The following SYT7 variants were observed in gnomAD, a reference collection of about 807,000 sequenced individuals.
The protein encoded by SYT7 is synaptotagmin-7.
A neutral mutation model predicts 75.1 loss-of-function variants in SYT7; 29 were observed. That is an observed-to-expected ratio of 0.39 (90% CI 0.29 to 0.53). The LOEUF (loss-of-function observed/expected upper bound fraction) is 0.53. Ranked by LOEUF, SYT7 falls within the 20% of genes least tolerant of loss-of-function variation. SYT7 has a pLI of 0.77. For synonymous variants in SYT7, 376 were observed against 401.7 expected (o/e 0.94, Z 0.76); for missense variants, 693 against 953.2 (o/e 0.73, Z 3.59).
chr11:61,523,010 T>C lies in SYT7; in HGVS notation c.1956+65A>G. The C allele has an allele frequency of 6.4e-7, 1 of 1,566,794 alleles. No homozygotes were observed. The highest frequency in any genetic ancestry group is 8.8e-7 in the Non-Finnish European group (1 of 1,138,898). The stretch of plus-strand genomic sequence containing the variant: ...TGTGCCCGTCCACTACCCCCGCTGC[T>C]TCTTTTAAGGAACGGAGCCTCACTG... On this transcript the variant is annotated intron_variant, in intron 12 of 12. Coordinates refer to ENST00000539008, the MANE Select transcript of SYT7 (RefSeq NM_001365809.2). The surrounding 1 kb of genome is among the most constrained non-coding windows in gnomAD (Gnocchi z 5.0).
chr11:61,558,476 AT>A (rs1371698541), intron 1 of SYT7, among the ~76,000 whole-genome samples: 5 of 142,080 alleles, frequency 3.5e-5, no homozygotes, highest in African/African-American at 1.4e-4. Context: ...TTTCAAAAAA[AT>A]ATATATATAC....
In SYT7 at chr11:61,542,676, T is replaced by G; in HGVS notation, c.573-97A>C. On this transcript the variant is annotated intron_variant, in intron 5 of 12. Transcript: ENST00000539008. The surrounding 1 kb of genome is among the most constrained non-coding windows in gnomAD (Gnocchi z 7.8). ...GAGGGCCAGGACTAGGAGGCCCCAG[T>G]GCAGGGTGCGCGCTGCCGGACCTCG... is the stretch of plus-strand genomic sequence containing the variant. The G allele has an allele frequency of 7.1e-7, 1 of 1,412,338 alleles. No individual in the cohort carries two copies. Among genetic ancestry groups the G allele is most frequent in the South Asian group, 1.5e-5 (1 of 65,148 alleles). 87.5% of individuals were successfully genotyped at this position (1,412,338 alleles called of 1,614,324 possible).
At chr11:61,530,214 C>G (rs2062662446) in intron 8 of SYT7, among the ~76,000 whole-genome samples, 1 of 152,230 alleles carries the variant, frequency 6.6e-6, no homozygotes, top group Admixed American at 6.5e-5. Context: ...GCCCTTCCAC[C>G]TGCGCCTTGC....
rs981479310 is a variant in SYT7 at position 61,547,328 on chromosome 11, G to A, written c.216-20C>T. The A allele has an allele frequency of 6.5e-7, 1 of 1,534,988 alleles. No homozygotes were observed. Among genetic ancestry groups the A allele is most frequent in the African/African-American group, 1.4e-5 (1 of 72,994 alleles). On this transcript the variant is annotated intron_variant, in intron 3 of 12. Transcript: ENST00000539008. ...AGATCACTGGAGGGGCAGAGAGAGA[G>A]GGGAGAAAACAGGGAGATACAAGAA...
chr11:61,536,346 T>A (rs1272833316), intron 7 of SYT7, among the ~76,000 whole-genome samples: 2 of 152,172 alleles, frequency 1.3e-5, no homozygotes, highest in Non-Finnish European at 1.5e-5. Context: ...CATTAACACA[T>A]GGGTGATGTG....
rs1350568951 is a variant in SYT7, at chr11:61,520,822, C to CA, written c.1957-2092dup. The stretch of plus-strand genomic sequence containing the variant: ...CGGGTGACAGAGTGAGACTCTATCT[C>CA]AAAAAACAAAACAAAACGAAACAAA... On this transcript the variant is annotated intron_variant, in intron 12 of 12. Transcript: ENST00000539008. 2.6e-5 allele frequency among the ~76,000 whole-genome samples: 4 copies of CA among 152,202 alleles called. No individual in the cohort carries two copies. The South Asian group carries it at 6.2e-4, about 24-fold the overall frequency.
chr11:61,544,433 G>A (rs772693781), intron 5 of SYT7, among the ~76,000 whole-genome samples: 6 of 152,198 alleles, frequency 3.9e-5, no homozygotes, highest in Non-Finnish European at 7.3e-5. Context: ...AAAGCAAAAC[G>A]TAGCTTTAGC....
At chr11:61,559,239 T>A in intron 1 of SYT7, among the ~76,000 whole-genome samples, 1 of 152,190 alleles carries the variant, frequency 6.6e-6, no homozygotes, top group East Asian at 1.9e-4. Flanking sequence ...ACTAGGGAGC[T>A]ATCTGGGAAG....
At position 61,517,355 on chromosome 11, in the gene SYT7, T is replaced by A. The variant is rs1055498587; in HGVS notation, c.*1272A>T. 4 of 398,594 alleles carry A rather than the reference T, an allele frequency of 1.0e-5. No individual in the cohort carries two copies. Among genetic ancestry groups the A allele is most frequent in the Non-Finnish European group, 1.8e-5 (4 of 226,120 alleles). The allele number at this position is 398,594 out of a possible 1,614,324, so 24.7% of individuals were successfully genotyped here. ...ACTCACAGAATCCTGGTCTTTTCCCTGCCTCCTTTCCCTGCACTGTGAGTG... is the reference window on the plus strand; with the variant it reads ...ACTCACAGAATCCTGGTCTTTTCCCAGCCTCCTTTCCCTGCACTGTGAGTG... On this transcript the variant is annotated 3_prime_UTR_variant, in exon 13 of 13. Transcript: ENST00000539008.
At position 61,551,583 on chromosome 11, in the gene SYT7, G is replaced by A; in HGVS notation, c.136-120C>T. 1 of 1,010,610 alleles carries A rather than the reference G, an allele frequency of 9.9e-7. No individual in the cohort carries two copies. The highest frequency in any genetic ancestry group is 1.5e-6 in the Non-Finnish European group (1 of 671,048). The allele number at this position is 1,010,610 out of a possible 1,614,324, so 62.6% of individuals were successfully genotyped here. A position where few individuals can be genotyped will look rare whatever the true frequency, so the allele number is the denominator to read the frequency against. Reference sequence around the variant, plus strand: ...GAGTCGGGCCGTGGCAACAAGGCCAGGACCAGTGTGCGAGGCTGTCACCGC... The same window carrying A: ...GAGTCGGGCCGTGGCAACAAGGCCAAGACCAGTGTGCGAGGCTGTCACCGC... On this transcript the variant is annotated intron_variant, in intron 2 of 12. Coordinates refer to ENST00000539008, the MANE Select transcript of SYT7 (RefSeq NM_001365809.2). The surrounding 1 kb of genome is among the most constrained non-coding windows in gnomAD (Gnocchi z 5.3).
In SYT7 at chr11:61,516,652, G is replaced by C. The variant is rs1013783545; in HGVS notation, c.*1975C>G. 2.0e-5 allele frequency: 3 copies of C among 152,136 alleles called. No individual in the cohort carries two copies. The highest frequency in any genetic ancestry group is 4.4e-5 in the Non-Finnish European group (3 of 68,008). 9.4% of individuals were successfully genotyped at this position (152,136 alleles called of 1,614,324 possible). ...CTCGGGGTCGCTGCCCTCCCGTCCC[G>C]GCTGGGGGCCGCTCCCCAGCCCGCC... is the stretch of plus-strand genomic sequence containing the variant. On this transcript the variant is annotated 3_prime_UTR_variant, in exon 13 of 13. Transcript: ENST00000539008. This position sits in a 1 kb window ranked among gnomAD's most constrained non-coding sequence, Gnocchi z 4.6.
rs138767156 is a variant in SYT7, at chr11:61,523,132, G to A, written c.1899C>T (p.Thr633=). The part of the protein sequence containing the change: ...DIPTEKLRET[T]IIITVMDKDK... Reference sequence around the variant, plus strand: ...CCTTGTCCATGACAGTGATGATGATGGTCGTCTCCCTCAGCTTCTCCGTGG... The same window carrying A: ...CCTTGTCCATGACAGTGATGATGATAGTCGTCTCCCTCAGCTTCTCCGTGG... Residue 633 remains threonine (T), a synonymous_variant, in exon 12 of 13, where the codon ACC becomes ACT. Coordinates refer to ENST00000539008, the MANE Select transcript of SYT7 (RefSeq NM_001365809.2). This position sits in a 1 kb window ranked among gnomAD's most constrained non-coding sequence, Gnocchi z 5.0. The A allele has an allele frequency of 1.2e-5, 20 of 1,614,088 alleles. No individual in the cohort carries two copies. The African/African-American group carries it at 2.5e-4, about 20-fold the overall frequency.
At chr11:61,582,554 T>C (rs2064302660), upstream of SYT7, among the ~76,000 whole-genome samples, 1 of 152,000 alleles carries the variant, frequency 6.6e-6, no homozygotes, top group Non-Finnish European at 1.5e-5. Context: ...CACCTACAGC[T>C]TTTCCGGTTG....
intron 1 of SYT7, among the ~76,000 whole-genome samples, chr11:61,562,264 T>C (rs1349655200): frequency 6.6e-6 from 1 of 152,138 alleles, no homozygotes; most frequent in African/African-American, 2.4e-5. Flanking sequence ...ATCCTTCTTT[T>C]AGAGAATAGT....
chr11:61,552,195 C>T lies in SYT7; in HGVS notation c.136-732G>A, dbSNP rs562387113. On this transcript the variant is annotated intron_variant, in intron 2 of 12. Coordinates refer to ENST00000539008, the MANE Select transcript of SYT7 (RefSeq NM_001365809.2). ...GCTAAAGGAAGGGCCGTGGCCACAG[C>T]GGCAACTGGGCCTGCTGCCGGGAAG... Among the ~76,000 whole-genome samples the T allele has an allele frequency of 5.9e-5, 9 of 152,242 alleles. 1 individual carries two copies. The Middle Eastern group carries it at 0.01, about 173-fold the overall frequency.
chr11:61,519,884 G>A (rs1414383485), intron 12 of SYT7, among the ~76,000 whole-genome samples: 2 of 152,142 alleles, frequency 1.3e-5, no homozygotes, highest in African/African-American at 2.4e-5. Context: ...GTAATGGCAC[G>A]ATCTCGACTC....
chr11:61,539,357 G>A (rs1215255269), intron 6 of SYT7, among the ~76,000 whole-genome samples: 3 of 152,154 alleles, frequency 2.0e-5, no homozygotes, highest in Non-Finnish European at 2.9e-5. Flanking sequence ...GGGTCTTTGC[G>A]AGGTTACCCG....
At position 61,523,865 on chromosome 11, in the gene SYT7, G is replaced by A; in HGVS notation, c.1718C>T (p.Ala573Val). Residue 573 changes from alanine to valine, a missense_variant, in exon 11 of 13, where the codon GCC becomes GTC. Transcript: ENST00000539008. This position sits in a 1 kb window ranked among gnomAD's most constrained non-coding sequence, Gnocchi z 5.0. ...ANSIIVNIIK[A>V]RNLKAMDIGG... Reference sequence around the variant, plus strand: ...GATGTCCATGGCTTTGAGGTTCCGGGCTTTGATGATGTTCACGATGATGGA... The same window carrying A: ...GATGTCCATGGCTTTGAGGTTCCGGACTTTGATGATGTTCACGATGATGGA... 1 of 1,614,048 alleles carries A rather than the reference G, an allele frequency of 6.2e-7. No individual in the cohort carries two copies. The highest frequency in any genetic ancestry group is 2.2e-5 in the East Asian group (1 of 44,858).
intron 1 of SYT7, among the ~76,000 whole-genome samples, chr11:61,573,582 G>C (rs189862940): frequency 6.6e-6 from 1 of 152,316 alleles, no homozygotes. Context: ...GGCACTCCAT[G>C]CCTTACTTTT....
Sources: gnomAD v4.1 joint callset for allele counts (sites outside exome capture counted in the v4.1 genomes callset) on GRCh38, gnomAD v4.1.1 for gene constraint, Gnocchi (gnomAD v3.1) non-coding constraint, MANE v1.5 for transcripts, NCBI Gene and HGNC (gene_info 2026-07-23, HGNC 2026-07-21) for gene names.